Variants in DYNC2H1 observed in about 807,000 individuals in gnomAD.
DYNC2H1 encodes the protein dynein cytoplasmic 2 heavy chain 1.
Under a neutral mutation model 570.0 loss-of-function variants are expected in DYNC2H1, and 410 were observed. That is an observed-to-expected ratio of 0.72 (90% CI 0.66 to 0.78). DYNC2H1 has a LOEUF of 0.78. Ranked by LOEUF, DYNC2H1 falls within the 30% of genes least tolerant of loss-of-function variation. The pLI, the probability that DYNC2H1 is intolerant of heterozygous loss-of-function variation, is 0.00. For missense variants in DYNC2H1, 4,865 were observed against 5,046.4 expected (o/e 0.96, Z 1.09); for synonymous variants, 1,688 against 1,677.6 (o/e 1.01, Z -0.15).
At position 103,133,236 on chromosome 11, in the gene DYNC2H1, A is replaced by C. The variant is rs1859364698; in HGVS notation, c.1954-319A>C. ...GCCCTGTCCTGGATGTATAGGAGAT[A>C]ATAAGGAAACCCAGGTTTGTCGTGC... On this transcript the variant is annotated intron_variant, in intron 13 of 88. Coordinates refer to ENST00000375735, the MANE Select transcript of DYNC2H1 (RefSeq NM_001377.3). The surrounding 1 kb of genome is among the most constrained non-coding windows in gnomAD (Gnocchi z 4.8). Among the ~76,000 whole-genome samples the C allele has an allele frequency of 1.3e-5, 2 of 152,100 alleles. No homozygotes were observed. The highest frequency in any genetic ancestry group is 4.8e-5 in the African/African-American group (2 of 41,418).
Position 103,223,075 on chromosome 11 carries a change from A to G in DYNC2H1, c.9342A>G (p.Ala3114=). Residue 3114 remains alanine (A), a synonymous_variant, in exon 59 of 89, where the codon GCA becomes GCG. Coordinates refer to ENST00000375735, the MANE Select transcript of DYNC2H1 (RefSeq NM_001377.3). The part of the protein sequence containing the change: ...ERIHPLETEQ[A]GLESNLKKTE... ...TTCATCCTTTGGAAACTGAACAGGC[A>G]GGATTAGAATCGTAAGTGAAATATA... The G allele has an allele frequency of 6.2e-7, 1 of 1,611,648 alleles. No homozygotes were observed. Among genetic ancestry groups the G allele is most frequent in the Non-Finnish European group, 8.5e-7 (1 of 1,178,672 alleles).
At chr11:103,176,531 CTT>C in intron 37 of DYNC2H1, 97 bp downstream of exon 37, 13 of 1,022,408 alleles carry the variant, frequency 1.3e-5, no homozygotes, top group Non-Finnish European at 1.7e-5. Flanking sequence ...TATCTTTTAT[CTT>C]TCAACTTAGA....
intron 32 of DYNC2H1, among the ~76,000 whole-genome samples, chr11:103,169,395 CTAGT>C (rs1329919831): frequency 1.3e-5 from 2 of 152,074 alleles, no homozygotes; most frequent in African/African-American, 4.8e-5. Flanking sequence ...GACAAATAAC[CTAGT>C]TAATGTAAAC....
chr11:103,187,645 T>G, intron 43 of DYNC2H1, 59 bp downstream of exon 43: 1 of 1,566,638 alleles, frequency 6.4e-7, no homozygotes, highest in Non-Finnish European at 8.6e-7. Context: ...TTTCATTAAC[T>G]TTTCTTAGAA....
At position 103,254,330 on chromosome 11, in the gene DYNC2H1, T is replaced by C. The variant is rs1848047829; in HGVS notation, c.10206+882T>C. Among the ~76,000 whole-genome samples the C allele has an allele frequency of 6.6e-6, 1 of 152,186 alleles. No individual in the cohort carries two copies. The highest frequency in any genetic ancestry group is 1.5e-5 in the Non-Finnish European group (1 of 68,032). On this transcript the variant is annotated intron_variant, in intron 66 of 88. Coordinates refer to ENST00000375735, the MANE Select transcript of DYNC2H1 (RefSeq NM_001377.3). This position sits in a 1 kb window ranked among gnomAD's most constrained non-coding sequence, Gnocchi z 4.9. ...AGTTGCAAAAAAGGAGCTATGTAGG[T>C]CTTACTTAGCAAGAACTAAATGAAG...
At chr11:103,411,382 G>T (rs1943080875) in intron 84 of DYNC2H1, among the ~76,000 whole-genome samples, 1 of 151,850 alleles carries the variant, frequency 6.6e-6, no homozygotes, top group African/African-American at 2.4e-5. Flanking sequence ...TAAAATGGAG[G>T]CTTTGTTTAG....
Position 103,435,949 on chromosome 11 carries a change from C to T in DYNC2H1, c.12373C>T (p.Leu4125Phe). The T allele has an allele frequency of 6.2e-7, 1 of 1,612,422 alleles. No individual in the cohort carries two copies. The highest frequency in any genetic ancestry group is 1.1e-5 in the South Asian group (1 of 91,002). Reference sequence around the variant, plus strand: ...GACCCTTTTTAAATTGCAGTGTCCTCTCGCATGGCAGAGCAAGTGGGAAGG... The same window carrying T: ...GACCCTTTTTAAATTGCAGTGTCCTTTCGCATGGCAGAGCAAGTGGGAAGG... ...ASALLNQKCP[L>F]AWQSKWEGPE... is the part of the protein sequence containing the mutation. The change falls in exon 85 of 89, where the codon CTC becomes TTC. Residue 4125 changes from leucine (L) to phenylalanine (F), a missense_variant. Leu to Phe is a conservative substitution (Grantham distance 22). Transcript: ENST00000375735.
At chr11:103,180,555 T>G (rs1316964039) in intron 39 of DYNC2H1, among the ~76,000 whole-genome samples, 4 of 151,740 alleles carry the variant, frequency 2.6e-5, no homozygotes, top group Admixed American at 1.3e-4. Flanking sequence ...ATTAACTTTT[T>G]TTGTTGCTAT....
At chr11:103,271,763 T>A (rs1213234365) in intron 70 of DYNC2H1, among the ~76,000 whole-genome samples, 1 of 152,212 alleles carries the variant, frequency 6.6e-6, no homozygotes, top group Non-Finnish European at 1.5e-5. Flanking sequence ...CTAATAATCT[T>A]TAACTTAGAT....
chr11:103,373,133 C>A (rs540315015), intron 83 of DYNC2H1, among the ~76,000 whole-genome samples: 3 of 152,062 alleles, frequency 2.0e-5, no homozygotes, highest in Admixed American at 6.5e-5. Context: ...TAGGGTTTTT[C>A]CATGTTGTCC....
At chr11:103,232,073 T>C (rs1864035524) in intron 60 of DYNC2H1, among the ~76,000 whole-genome samples, 1 of 151,956 alleles carries the variant, frequency 6.6e-6, no homozygotes. Context: ...ATTAGAGAAG[T>C]ATAAGAAAAA....
chr11:103,122,733 C>A, intron 10 of DYNC2H1, 92 bp from the exon 11 acceptor site: 1 of 1,078,776 alleles, frequency 9.3e-7, no homozygotes, highest in Non-Finnish European at 1.3e-6. Context: ...AAAATAATTT[C>A]TGAATCACAG....
rs371663033 is a variant in DYNC2H1, at chr11:103,186,410, A to T, written c.6802A>T (p.Met2268Leu). The change falls in exon 42 of 89, where the codon ATG becomes TTG. Residue 2268 changes from methionine to leucine, a missense_variant. Transcript: ENST00000375735. This position sits in a 1 kb window ranked among gnomAD's most constrained non-coding sequence, Gnocchi z 4.5. ...LTLPVIQTPD[M>L]QRGLDYFKPW... ...TCTTCCAGTCATTCAGACTCCTGAC[A>T]TGCAACGAGGTCTAGATTATTTCAA... 4.3e-6 allele frequency: 7 copies of T among 1,612,812 alleles called. No individual in the cohort carries two copies. The highest frequency in any genetic ancestry group is 5.9e-6 in the Non-Finnish European group (7 of 1,179,232).
intron 87 of DYNC2H1, among the ~76,000 whole-genome samples, chr11:103,463,960 T>C (rs1185447999): frequency 6.6e-6 from 1 of 152,100 alleles, no homozygotes; most frequent in Non-Finnish European, 1.5e-5. Flanking sequence ...ATCGTATGTA[T>C]GTAGATATGG....
intron 85 of DYNC2H1, among the ~76,000 whole-genome samples, chr11:103,453,312 G>C (rs1944673946): frequency 7.0e-6 from 1 of 143,586 alleles, no homozygotes. Context: ...GGTTATTAAA[G>C]ATAATGCTAC....
chr11:103,396,214 C>T (rs1781051170), intron 83 of DYNC2H1, among the ~76,000 whole-genome samples: 1 of 152,146 alleles, frequency 6.6e-6, no homozygotes, highest in Non-Finnish European at 1.5e-5. Flanking sequence ...CTGATGTTAC[C>T]TAGACTCTAT....
chr11:103,372,311 G>A (rs1375840439), intron 83 of DYNC2H1, among the ~76,000 whole-genome samples: 8 of 152,122 alleles, frequency 5.3e-5, no homozygotes, highest in South Asian at 2.1e-4. Context: ...GAGCCTCCGC[G>A]CCCAGCCTTT....
intron 13 of DYNC2H1, among the ~76,000 whole-genome samples, chr11:103,132,257 C>T (rs145747635): frequency 7.6e-4 from 115 of 152,206 alleles, no homozygotes; most frequent in Admixed American, 1.6e-3. Flanking sequence ...CATCCTCTGA[C>T]ATCTCCACTC....
chr11:103,382,717 T>G (rs1941706235), intron 83 of DYNC2H1, among the ~76,000 whole-genome samples: 1 of 152,224 alleles, frequency 6.6e-6, no homozygotes, highest in Non-Finnish European at 1.5e-5. Flanking sequence ...ATGTCCCAGG[T>G]GAAAGATTTC....
Sources: gnomAD v4.1 joint callset for allele counts (sites outside exome capture counted in the v4.1 genomes callset) on GRCh38, gnomAD v4.1.1 for gene constraint, Gnocchi (gnomAD v3.1) non-coding constraint, MANE v1.5 for transcripts, NCBI Gene and HGNC (gene_info 2026-07-23, HGNC 2026-07-21) for gene names.